Variants in PLXNA2 observed in about 807,000 individuals in gnomAD.
PLXNA2 encodes the protein plexin A2, also known as plexin-A2.
Under a neutral mutation model 193.5 loss-of-function variants are expected in PLXNA2, and 91 were observed. The ratio of observed to expected loss-of-function variants is 0.47; its 90% confidence interval spans 0.40 to 0.56. PLXNA2 has a LOEUF of 0.56. PLXNA2 is among the 20% of genes least tolerant of loss of function. The pLI is 0.00. For missense variants in PLXNA2, 1,995 were observed against 2,503.2 expected, an observed-to-expected ratio of 0.80 and a Z score of 4.33; for synonymous variants, 997 against 1,027.3, an observed-to-expected ratio of 0.97 and a Z score of 0.56.
intron 13 of PLXNA2, among the ~76,000 whole-genome samples, chr1:208,059,267 TCCTTTC>T (rs1665538927): frequency 6.6e-6 from 1 of 152,218 alleles, no homozygotes; most frequent in Non-Finnish European, 1.5e-5. Flanking sequence ...ACTATTTGTT[TCCTTTC>T]CCTTTTTCCA....
At chr1:208,070,962 C>T (rs1220086819) in intron 12 of PLXNA2, among the ~76,000 whole-genome samples, 1 of 152,016 alleles carries the variant, frequency 6.6e-6, no homozygotes, top group African/African-American at 2.4e-5. Context: ...GCAGGTGGAG[C>T]CTCTGCATAT....
intron 6 of PLXNA2, among the ~76,000 whole-genome samples, chr1:208,097,891 A>T (rs1188706506): frequency 6.6e-6 from 1 of 152,040 alleles, no homozygotes; most frequent in East Asian, 1.9e-4. Flanking sequence ...TTTAGTAAAG[A>T]CAGGGTCTCA....
chr1:208,027,849 A>C (rs1446812552), intron 31 of PLXNA2, among the ~76,000 whole-genome samples, 160 bp downstream of exon 31: 1 of 152,278 alleles, frequency 6.6e-6, no homozygotes, highest in African/African-American at 2.4e-5. Flanking sequence ...GCCTTCAGTG[A>C]ATCAGGAGTT....
At chr1:208,161,495 AAC>A (rs1669102969) in intron 3 of PLXNA2, among the ~76,000 whole-genome samples, 1 of 152,134 alleles carries the variant, frequency 6.6e-6, no homozygotes, top group South Asian at 2.1e-4. Context: ...TCAAATTAAA[AAC>A]AGTCCTGAAA....
intron 2 of PLXNA2, among the ~76,000 whole-genome samples, chr1:208,216,207 A>G (rs111619227): frequency 3.3e-5 from 5 of 151,398 alleles, no homozygotes; most frequent in African/African-American, 7.3e-5. Context: ...CATTCTCCTC[A>G]CCCTTTCTCT....
chr1:208,116,446 C>G (rs1667641667), intron 4 of PLXNA2, among the ~76,000 whole-genome samples: 1 of 152,206 alleles, frequency 6.6e-6, no homozygotes, highest in Non-Finnish European at 1.5e-5. Context: ...TTATTTTAAG[C>G]TCTTTAATCA....
At position 208,217,799 on chromosome 1, in the gene PLXNA2, G is replaced by A. The variant is rs1276787705; in HGVS notation, c.124C>T (p.His42Tyr). ...AAGMPQFSTF[H>Y]SENRDWTFNH... ...AAGGTCCAGTCACGATTCTCAGAGTGGAAGGTGCTGAACTGAGGCATGCCG... is the reference window on the plus strand; with the variant it reads ...AAGGTCCAGTCACGATTCTCAGAGTAGAAGGTGCTGAACTGAGGCATGCCG... The change falls in exon 2 of 32, where the codon CAC becomes TAC. Residue 42 changes from histidine to tyrosine, a missense_variant. Physicochemically the swap from His to Tyr is moderately conservative, Grantham distance 83. Coordinates refer to ENST00000367033, the MANE Select transcript of PLXNA2 (RefSeq NM_025179.4). The surrounding 1 kb of genome is among the most constrained non-coding windows in gnomAD (Gnocchi z 4.7). The A allele has an allele frequency of 1.2e-6, 2 of 1,614,090 alleles. No individual in the cohort carries two copies. The highest frequency in any genetic ancestry group is 1.3e-5 in the African/African-American group (1 of 74,930).
At chr1:208,087,795 G>T (rs917463065) in intron 9 of PLXNA2, among the ~76,000 whole-genome samples, 3 of 152,098 alleles carry the variant, frequency 2.0e-5, no homozygotes, top group African/African-American at 7.2e-5. Context: ...GGAGGAGACT[G>T]GACCCCAAAC....
Position 208,039,610 on chromosome 1 carries a change from G to A in PLXNA2, c.4500+11C>T, listed in dbSNP as rs781077818. 18 of 1,612,874 alleles carry A rather than the reference G, an allele frequency of 1.1e-5. No individual in the cohort carries two copies. The East Asian group carries it at 1.3e-4, about 12-fold the overall frequency. On this transcript the variant is annotated intron_variant, in intron 24 of 31. Coordinates refer to ENST00000367033, the MANE Select transcript of PLXNA2 (RefSeq NM_025179.4). ...ATACACAGGCGGGCCCGGAGCTTCC[G>A]GCTTCCTCACCAGGGTCTTGTACTC...
chr1:208,039,908 T>A (rs1487531657), intron 23 of PLXNA2, 84 bp downstream of exon 23: 7 of 1,577,908 alleles, frequency 4.4e-6, no homozygotes, highest in Non-Finnish European at 6.1e-6. Context: ...AGGGAGGGGG[T>A]CCCCATGCAG....
At chr1:208,138,307 C>T (rs1231284039) in intron 4 of PLXNA2, among the ~76,000 whole-genome samples, 4 of 152,178 alleles carry the variant, frequency 2.6e-5, no homozygotes, top group African/African-American at 9.7e-5. Flanking sequence ...AAGTTGGCTT[C>T]GTGTTAGATG....
intron 3 of PLXNA2, among the ~76,000 whole-genome samples, chr1:208,193,389 G>C (rs1370134503): frequency 6.6e-6 from 1 of 152,186 alleles, no homozygotes; most frequent in Non-Finnish European, 1.5e-5. Flanking sequence ...GCAATGATTA[G>C]TGTGGACAAA....
chr1:208,060,878 A>G, intron 12 of PLXNA2, 41 bp from the exon 13 acceptor site: 1 of 1,603,068 alleles, frequency 6.2e-7, no homozygotes, highest in Non-Finnish European at 8.5e-7. Context: ...GTTTGGTCAC[A>G]GGAACAGAAA....
In PLXNA2 at chr1:208,142,455, G is replaced by A. The variant is rs571161413; in HGVS notation, c.1380C>T (p.Ala460=). The A allele has an allele frequency of 8.2e-5, 132 of 1,605,952 alleles. No individual in the cohort carries two copies. In the African/African-American group the frequency reaches 8.6e-4, roughly 10 times the overall value. Residue 460 remains alanine, a synonymous_variant, in exon 4 of 32, where the codon GCC becomes GCT. Transcript: ENST00000367033. ...TKSGKLKKIR[A]DGPPHGGVQY... ...GGACCCCACCATGGGGGGGACCGTC[G>A]GCCCGAATCTGTATGAGAAACAAGG...
chr1:208,236,377 A>G lies in PLXNA2; in HGVS notation c.-81+7266T>C, dbSNP rs1671852109. On this transcript the variant is annotated intron_variant, in intron 1 of 31. Coordinates refer to ENST00000367033, the MANE Select transcript of PLXNA2 (RefSeq NM_025179.4). The surrounding 1 kb of genome is among the most constrained non-coding windows in gnomAD (Gnocchi z 4.4). ...GCCTTTCACTTTTATGAAGCAGGAA[A>G]CCACTTCAAAGCAGCAACATCCCCT... is the stretch of plus-strand genomic sequence containing the variant. Among the ~76,000 whole-genome samples the G allele has an allele frequency of 6.6e-6, 1 of 152,084 alleles. No individual in the cohort carries two copies. The highest frequency in any genetic ancestry group is 2.4e-5 in the African/African-American group (1 of 41,402).
At chr1:208,077,503 G>A (rs1025971078) in intron 12 of PLXNA2, among the ~76,000 whole-genome samples, 1 of 152,136 alleles carries the variant, frequency 6.6e-6, no homozygotes, top group African/African-American at 2.4e-5. Context: ...TGGCAGAGGC[G>A]GGTGGTGCTG....
intron 13 of PLXNA2, among the ~76,000 whole-genome samples, chr1:208,059,859 G>A (rs1262780982): frequency 2.0e-5 from 3 of 151,944 alleles, no homozygotes; most frequent in Non-Finnish European, 2.9e-5. Context: ...GGCTGGCTCC[G>A]GTGGGGGGGA....
In PLXNA2 at chr1:208,052,419, T is replaced by A. The variant is rs372493996; in HGVS notation, c.2901A>T (p.Ser967=). ...LSLNPIRGPE[S]GGTMVTITGH... ...CGGTAATGGTCACCATAGTGCCTCC[T>A]GACTCGGGACCTCGGATTGGGTTGA... is the stretch of plus-strand genomic sequence containing the variant. The change falls in exon 15 of 32, where the codon TCA becomes TCT. Residue 967 remains serine, a synonymous_variant. Coordinates refer to ENST00000367033, the MANE Select transcript of PLXNA2 (RefSeq NM_025179.4). 2.5e-6 allele frequency: 4 copies of A among 1,614,182 alleles called. No individual in the cohort carries two copies. Among genetic ancestry groups the A allele is most frequent in the Non-Finnish European group, 3.4e-6 (4 of 1,179,992 alleles).
rs945041561 is a variant in PLXNA2, at chr1:208,079,195, T to A, written c.2586+65A>T. ...TCCACAGAGTCTCAATTTGCACTCC[T>A]CTCCCACTGTCTTGGGGTCAGCTCT... On this transcript the variant is annotated intron_variant, in intron 12 of 31. Transcript: ENST00000367033. 43 of 1,385,492 alleles carry A rather than the reference T, an allele frequency of 3.1e-5. No homozygotes were observed. In the African/African-American group the frequency reaches 6.0e-4, roughly 19 times the overall value. 85.8% of individuals were successfully genotyped at this position (1,385,492 alleles called of 1,614,324 possible).
Sources: gnomAD v4.1 joint callset for allele counts (sites outside exome capture counted in the v4.1 genomes callset) on GRCh38, gnomAD v4.1.1 for gene constraint, Gnocchi (gnomAD v3.1) non-coding constraint, MANE v1.5 for transcripts, NCBI Gene and HGNC (gene_info 2026-07-23, HGNC 2026-07-21) for gene names.